The following ANXA3 variants were observed in gnomAD, a reference collection of about 807,000 sequenced individuals.
The protein encoded by ANXA3 is annexin A3.
In ANXA3, 46 loss-of-function variants were observed where a neutral mutation model predicts 48.8. The ratio of observed to expected loss-of-function variants is 0.94; its 90% CI spans 0.74 to 1.21. The LOEUF (loss-of-function observed/expected upper bound fraction) is 1.21, where lower values mean the gene tolerates loss of function less well. Ranked by LOEUF, ANXA3 falls within the 50% of genes most tolerant of loss-of-function variation. The probability of loss-of-function intolerance (pLI) is 0.00; values close to 1 mark genes in which losing one functional copy is unlikely to be tolerated. For missense variants in ANXA3, 383 were observed against 378.6 expected (o/e 1.01, Z -0.10); for synonymous variants, 128 against 134.7 (o/e 0.95, Z 0.35).
In ANXA3 at chr4:78,593,113, C is replaced by CCACACACACACACA. The variant is rs59972919; in HGVS notation, c.483+1516_483+1529dup. Among the ~76,000 whole-genome samples the CCACACACACACACA allele has an allele frequency of 6.9e-4, 99 of 144,028 alleles. 1 individual carries two copies. The highest frequency in any genetic ancestry group is 1.0e-3 in the East Asian group (5 of 4,944). 94.5% of individuals were successfully genotyped at this position (144,028 alleles called of 152,430 possible). The stretch of plus-strand genomic sequence containing the variant: ...AAGTATTTGTACATGAACACACATA[C>CCACACACACACACA]CACACACACACACACACACACACAC... On this transcript the variant is annotated intron_variant, in intron 7 of 12. Transcript: ENST00000264908.
chr4:78,556,410 C>G lies in ANXA3; in HGVS notation c.15+1922C>G, dbSNP rs189492668. Among the ~76,000 whole-genome samples the G allele has an allele frequency of 2.6e-3, 400 of 151,600 alleles. 2 individuals carry two copies. The highest frequency in any genetic ancestry group is 8.6e-3 in the African/African-American group (354 of 41,346). ...AAGAACAAAGAAAATAAAAAATTTACGGAAAGACTATTACATCAAAACTTT... is the reference window on the plus strand; with the variant it reads ...AAGAACAAAGAAAATAAAAAATTTAGGGAAAGACTATTACATCAAAACTTT... On this transcript the variant is annotated intron_variant, in intron 2 of 12. Coordinates refer to ENST00000264908, the MANE Select transcript of ANXA3 (RefSeq NM_005139.3).
intron 12 of ANXA3, among the ~76,000 whole-genome samples, chr4:78,607,392 ATTG>A (rs549771380): frequency 1.6e-3 from 241 of 152,088 alleles, no homozygotes; most frequent in Non-Finnish European, 2.7e-3. Flanking sequence ...CCTTCCACCT[ATTG>A]TTTAGACATT....
intron 2 of ANXA3, among the ~76,000 whole-genome samples, chr4:78,562,157 G>A (rs925490297): frequency 6.6e-6 from 1 of 152,210 alleles, no homozygotes; most frequent in Non-Finnish European, 1.5e-5. Flanking sequence ...TCAGAGGAAG[G>A]AATGTAAAGT....
At chr4:78,567,619 C>T (rs764551638) in intron 2 of ANXA3, among the ~76,000 whole-genome samples, 8 of 152,028 alleles carry the variant, frequency 5.3e-5, no homozygotes, top group Admixed American at 5.2e-4. Flanking sequence ...TAGAAAAGGA[C>T]CTTTGAATCT....
At chr4:78,604,196 T>G (rs1723600914) in intron 11 of ANXA3, 81 bp from the exon 12 acceptor site, 1 of 1,326,300 alleles carries the variant, frequency 7.5e-7, no homozygotes, top group Non-Finnish European at 1.0e-6. Context: ...CACACCATTA[T>G]CTGATTCTTA....
intron 3 of ANXA3, among the ~76,000 whole-genome samples, chr4:78,573,679 G>A (rs1019882822): frequency 4.6e-5 from 7 of 152,176 alleles, no homozygotes; most frequent in Non-Finnish European, 1.0e-4. Context: ...GTGCACAAGG[G>A]GGTTTGGGGC....
At chr4:78,606,997 G>A (rs1331826379) in intron 12 of ANXA3, among the ~76,000 whole-genome samples, 5 of 152,186 alleles carry the variant, frequency 3.3e-5, no homozygotes, top group Non-Finnish European at 5.9e-5. Flanking sequence ...CAGAAAAATA[G>A]ACTCACACAT....
At chr4:78,562,838 T>A (rs1722652377) in intron 2 of ANXA3, among the ~76,000 whole-genome samples, 1 of 152,176 alleles carries the variant, frequency 6.6e-6, no homozygotes, top group Non-Finnish European at 1.5e-5. Flanking sequence ...CATGAGATGG[T>A]GAGCTGAGGG....
chr4:78,582,154 T>A (rs748213120), intron 4 of ANXA3, 23 bp from the exon 5 acceptor site: 14 of 1,502,180 alleles, frequency 9.3e-6, no homozygotes, highest in Non-Finnish European at 1.2e-5. Flanking sequence ...TTCACATTTT[T>A]CCCCTTGGTT....
At chr4:78,604,206 A>T in intron 11 of ANXA3, 71 bp from the exon 12 acceptor site, 1 of 1,405,176 alleles carries the variant, frequency 7.1e-7, no homozygotes, top group Non-Finnish European at 9.6e-7. Flanking sequence ...TCTGATTCTT[A>T]TAAATATAGA....
chr4:78,604,685 T>C (rs975993487), intron 12 of ANXA3, among the ~76,000 whole-genome samples: 1 of 152,240 alleles, frequency 6.6e-6, no homozygotes, highest in Non-Finnish European at 1.5e-5. Flanking sequence ...TTTTTTATAT[T>C]GCACTGTTTT....
chr4:78,577,737 A>T (rs1428348647), intron 3 of ANXA3, among the ~76,000 whole-genome samples: 1 of 152,128 alleles, frequency 6.6e-6, no homozygotes, highest in Admixed American at 6.5e-5. Flanking sequence ...TTGAGCATTG[A>T]GTTCCAGGTG....
chr4:78,601,054 T>C (rs1466765), intron 10 of ANXA3, among the ~76,000 whole-genome samples: 4,347 of 152,198 alleles, frequency 0.029, 219 homozygotes, highest in African/African-American at 0.099. Context: ...ATGGGAAAAA[T>C]TGCTTTTAAA....
intron 6 of ANXA3, among the ~76,000 whole-genome samples, chr4:78,589,096 G>C (rs940948617): frequency 1.3e-5 from 2 of 152,132 alleles, no homozygotes; most frequent in African/African-American, 4.8e-5. Flanking sequence ...ATGAGGATGA[G>C]GATTTTCGTC....
intron 6 of ANXA3, among the ~76,000 whole-genome samples, chr4:78,588,617 G>A (rs1560447722): frequency 6.6e-6 from 1 of 152,152 alleles, no homozygotes; most frequent in African/African-American, 2.4e-5. Context: ...TCTCTGAAAA[G>A]AGGGCTCCAT....
intron 9 of ANXA3, among the ~76,000 whole-genome samples, chr4:78,596,773 C>T (rs1396533046): frequency 6.6e-6 from 1 of 152,140 alleles, no homozygotes; most frequent in Non-Finnish European, 1.5e-5. Context: ...ATATACTTGG[C>T]TTACAAAATA....
At chr4:78,582,091 A>G in intron 4 of ANXA3, 86 bp from the exon 5 acceptor site, 2 of 763,710 alleles carry the variant, frequency 2.6e-6, no homozygotes, top group Non-Finnish European at 2.2e-6. Context: ...TCTGATTTTG[A>G]TACATATGTT....
At chr4:78,553,696 T>C (rs1307790430) in intron 1 of ANXA3, among the ~76,000 whole-genome samples, 1 of 152,192 alleles carries the variant, frequency 6.6e-6, no homozygotes, top group Non-Finnish European at 1.5e-5. Flanking sequence ...GTGAAATATT[T>C]CCAGAGACTA....
In ANXA3 at chr4:78,591,629, G is replaced by A. The variant is rs755209246; in HGVS notation, c.483+6G>A. ...CTCTGTTGACTTTGGCAGATGTAAG[G>A]TTTTATTTTTTATTTTTTAACTCCC... On this transcript the variant is annotated splice_donor_region_variant and intron_variant, in intron 7 of 12. Transcript: ENST00000264908. 2 of 1,610,256 alleles carry A rather than the reference G, an allele frequency of 1.2e-6. No homozygotes were observed. Among genetic ancestry groups the A allele is most frequent in the Admixed American group, 3.3e-5 (2 of 59,812 alleles).
Sources: allele counts gnomAD v4.1 joint callset (sites outside exome capture counted in the v4.1 genomes callset), GRCh38; gene constraint gnomAD v4.1.1; transcripts MANE v1.5; gene names NCBI Gene and HGNC (gene_info 2026-07-23, HGNC 2026-07-21).